ALPK1: variants seen among roughly 807,000 people sequenced by gnomAD.
The protein encoded by ALPK1 is alpha-protein kinase 1.
Under a neutral mutation model 120.6 loss-of-function variants are expected in ALPK1, and 110 were observed. The observed-to-expected ratio is 0.91, with a 90% confidence interval of 0.78 to 1.07. The LOEUF is 1.07. Ranked by LOEUF, ALPK1 falls within the 50% of genes least tolerant of loss-of-function variation. ALPK1 has a pLI of 0.00. For synonymous variants in ALPK1, 582 were observed against 560.3 expected, an observed-to-expected ratio of 1.04 and a Z score of -0.55; for missense variants, 1,498 against 1,483.9, an observed-to-expected ratio of 1.01 and a Z score of -0.16.
chr4:112,325,831 C>A (rs1413809272), intron 2 of ALPK1, among the ~76,000 whole-genome samples: 1 of 152,178 alleles, frequency 6.6e-6, no homozygotes, highest in Non-Finnish European at 1.5e-5. Flanking sequence ...ATTTTTCAGG[C>A]ACTCCAGGGA....
chr4:112,411,743 A>G (rs1733476096), intron 4 of ALPK1, 84 bp from the exon 5 acceptor site: 2 of 1,342,210 alleles, frequency 1.5e-6, no homozygotes, highest in Non-Finnish European at 1.0e-6. Flanking sequence ...TGTTGTATTA[A>G]TGAAAATGCC....
chr4:112,301,731 G>T (rs920135613), intron 1 of ALPK1, among the ~76,000 whole-genome samples: 2 of 152,122 alleles, frequency 1.3e-5, no homozygotes, highest in Non-Finnish European at 2.9e-5. Context: ...TGTATCAGCA[G>T]TCTCACATTT....
At chr4:112,359,873 A>G (rs1730838491) in intron 2 of ALPK1, 1 of 293,960 alleles carries the variant, frequency 3.4e-6, no homozygotes, top group Non-Finnish European at 6.7e-6. Flanking sequence ...CTGCCTGTCC[A>G]GCTCTGGTGG....
chr4:112,327,607 T>A (rs1443922975), intron 2 of ALPK1, among the ~76,000 whole-genome samples: 4 of 152,118 alleles, frequency 2.6e-5, no homozygotes, highest in East Asian at 1.9e-4. Context: ...TGATAATTTT[T>A]AAAAATTTTT....
At position 112,346,752 on chromosome 4, in the gene ALPK1, A is replaced by T. The variant is rs182617940; in HGVS notation, c.-101+30900A>T. Among the ~76,000 whole-genome samples, 721 of 152,378 alleles carry T rather than the reference A, an allele frequency of 4.7e-3. 2 individuals carry two copies. The highest frequency in any genetic ancestry group is 8.0e-3 in the Non-Finnish European group (542 of 68,030). On this transcript the variant is annotated intron_variant, in intron 2 of 15. Coordinates refer to ENST00000650871, the MANE Select transcript of ALPK1 (RefSeq NM_025144.4). ...TGTGTGAAACAGTTTTAAGAATAGAAGATTACACACATAGCCAACATCGAA... is the reference window on the plus strand; with the variant it reads ...TGTGTGAAACAGTTTTAAGAATAGATGATTACACACATAGCCAACATCGAA...
At chr4:112,407,034 T>A (rs1314000674) in intron 4 of ALPK1, among the ~76,000 whole-genome samples, 1 of 152,222 alleles carries the variant, frequency 6.6e-6, no homozygotes, top group African/African-American at 2.4e-5. Context: ...GTTATGCTTT[T>A]CTCTTGCTAA....
chr4:112,368,312 CT>C (rs1204131205), intron 2 of ALPK1, among the ~76,000 whole-genome samples: 3 of 152,010 alleles, frequency 2.0e-5, no homozygotes, highest in Non-Finnish European at 4.4e-5. Context: ...TCTTAATCTG[CT>C]TATGCTTTCT....
intron 1 of ALPK1, among the ~76,000 whole-genome samples, chr4:112,313,097 T>A (rs1055271873): frequency 6.6e-6 from 1 of 152,154 alleles, no homozygotes; most frequent in Non-Finnish European, 1.5e-5. Context: ...CAAGTTACGG[T>A]TGAAAATATG....
chr4:112,420,378 C>T (rs1400233198), intron 5 of ALPK1, among the ~76,000 whole-genome samples: 2 of 152,196 alleles, frequency 1.3e-5, no homozygotes, highest in Non-Finnish European at 2.9e-5. Context: ...CAATACACAT[C>T]CCTCTCATGT....
intron 4 of ALPK1, among the ~76,000 whole-genome samples, chr4:112,404,751 A>G (rs1733089273): frequency 6.6e-6 from 1 of 152,136 alleles, no homozygotes; most frequent in Non-Finnish European, 1.5e-5. Context: ...ACCTTCTTGG[A>G]TTGTGAACAT....
intron 1 of ALPK1, among the ~76,000 whole-genome samples, chr4:112,297,949 A>T (rs539152601): frequency 6.6e-6 from 1 of 152,186 alleles, no homozygotes; most frequent in Non-Finnish European, 1.5e-5. Context: ...AAACAGGTAG[A>T]TAAGGCACGA....
intron 6 of ALPK1, among the ~76,000 whole-genome samples, chr4:112,424,249 C>T (rs1205601328): frequency 1.3e-5 from 2 of 151,208 alleles, no homozygotes; most frequent in Admixed American, 1.3e-4. Flanking sequence ...TGCTTCCTTA[C>T]AGAGTATGCT....
At chr4:112,349,553 C>CCCT (rs1441471933) in intron 2 of ALPK1, among the ~76,000 whole-genome samples, 1 of 139,366 alleles carries the variant, frequency 7.2e-6, no homozygotes, top group Non-Finnish European at 1.5e-5. Flanking sequence ...CAACCCCTGC[C>CCCT]CCCCCCCGCT....
chr4:112,407,492 A>C (rs1733239030), intron 4 of ALPK1, among the ~76,000 whole-genome samples: 1 of 152,130 alleles, frequency 6.6e-6, no homozygotes, highest in Non-Finnish European at 1.5e-5. Context: ...AAATTAATTA[A>C]AAATAAGTAA....
intron 5 of ALPK1, among the ~76,000 whole-genome samples, chr4:112,413,235 G>A (rs1733572720): frequency 6.6e-6 from 1 of 152,226 alleles, no homozygotes; most frequent in Non-Finnish European, 1.5e-5. Context: ...GGTGAAGGCT[G>A]GAGGGTACAG....
rs978497039 is a variant in ALPK1 at position 112,367,329 on chromosome 4, T to C, written c.-100-10349T>C. Reference sequence around the variant, plus strand: ...GACTATACATCAGAATATTAACTGGTTATTTCTAGTGTTGGGATCAAGGAG... The same window carrying C: ...GACTATACATCAGAATATTAACTGGCTATTTCTAGTGTTGGGATCAAGGAG... On this transcript the variant is annotated intron_variant, in intron 2 of 15. Transcript: ENST00000650871. Among the ~76,000 whole-genome samples the C allele has an allele frequency of 1.3e-4, 20 of 152,234 alleles. 1 individual carries two copies. Among genetic ancestry groups the C allele is most frequent in the Admixed American group, 1.2e-3 (18 of 15,286 alleles).
At chr4:112,339,469 T>G (rs1463539351) in intron 2 of ALPK1, among the ~76,000 whole-genome samples, 1 of 152,224 alleles carries the variant, frequency 6.6e-6, no homozygotes, top group East Asian at 1.9e-4. Context: ...ACCAATTATT[T>G]GTTTATAGAT....
chr4:112,350,460 G>A (rs1378558764), intron 2 of ALPK1, among the ~76,000 whole-genome samples: 1 of 152,156 alleles, frequency 6.6e-6, no homozygotes, highest in Non-Finnish European at 1.5e-5. Flanking sequence ...GAGAGATGCA[G>A]CAGTTTTGAC....
intron 1 of ALPK1, among the ~76,000 whole-genome samples, chr4:112,305,219 T>A (rs1244744543): frequency 2.0e-5 from 3 of 150,764 alleles, no homozygotes; most frequent in South Asian, 2.1e-4. Context: ...CTTAGGATTG[T>A]CTTGGTGATG....
Sources: allele counts gnomAD v4.1 joint callset (sites outside exome capture counted in the v4.1 genomes callset), GRCh38; gene constraint gnomAD v4.1.1; transcripts MANE v1.5; gene names NCBI Gene and HGNC (gene_info 2026-07-23, HGNC 2026-07-21).